The following PIK3C2G variants were observed in gnomAD, a reference collection of about 807,000 sequenced individuals.
PIK3C2G encodes phosphatidylinositol-4-phosphate 3-kinase catalytic subunit type 2 gamma.
In PIK3C2G, 168 loss-of-function variants were observed where a neutral mutation model predicts 181.1. The ratio of observed to expected loss-of-function variants is 0.93; its 90% confidence interval spans 0.82 to 1.05. The LOEUF is 1.05. PIK3C2G is among the 50% of genes least tolerant of loss of function. PIK3C2G has a pLI of 0.00. For missense variants in PIK3C2G, 1,869 were observed against 1,732.8 expected, an observed-to-expected ratio of 1.08 and a Z score of -1.40; for synonymous variants, 573 against 592.2, an observed-to-expected ratio of 0.97 and a Z score of 0.47.
At chr12:18,683,333 G>C in the PIK3C2G span, 46 of 1,611,372 alleles carry the variant, frequency 2.9e-5, no homozygotes, top group Non-Finnish European at 3.9e-5. Flanking sequence ...ACCTGCAAAA[G>C]GAATTATATC....
chr12:18,578,106 A>G (rs374648790), intron 29 of PIK3C2G, among the ~76,000 whole-genome samples: 1 of 152,306 alleles, frequency 6.6e-6, no homozygotes, highest in African/African-American at 2.4e-5. Context: ...AGAAGGTGAT[A>G]TATTAGGTAT....
intron 11 of PIK3C2G, among the ~76,000 whole-genome samples, chr12:18,351,126 A>C (rs1940177896): frequency 6.6e-6 from 1 of 152,122 alleles, no homozygotes; most frequent in Non-Finnish European, 1.5e-5. Context: ...CTGAGATGCA[A>C]CTTAGAAAAC....
chr12:18,363,314 GT>G (rs531991021), intron 12 of PIK3C2G, among the ~76,000 whole-genome samples: 6 of 152,016 alleles, frequency 3.9e-5, no homozygotes, highest in African/African-American at 1.4e-4. Context: ...AAACAATCAA[GT>G]TTTTTTGACA....
chr12:18,278,895 A>G (rs908629876), intron 1 of PIK3C2G, among the ~76,000 whole-genome samples: 2 of 152,118 alleles, frequency 1.3e-5, no homozygotes, highest in South Asian at 4.1e-4. Flanking sequence ...TGGATCTGGA[A>G]GAGGTTGTGT....
At chr12:18,625,706 G>A (rs1949067134) in intron 31 of PIK3C2G, among the ~76,000 whole-genome samples, 2 of 151,762 alleles carry the variant, frequency 1.3e-5, no homozygotes, top group African/African-American at 2.4e-5. Context: ...CTCTTCCACT[G>A]TTAGAAGCAT....
intron 29 of PIK3C2G, among the ~76,000 whole-genome samples, chr12:18,579,206 C>T (rs1473676469): frequency 2.6e-5 from 4 of 151,980 alleles, no homozygotes. Flanking sequence ...ATTTTACTCT[C>T]ATTGAGTTTA....
At chr12:18,682,119 G>A in the PIK3C2G span, among the ~76,000 whole-genome samples, 2 of 152,006 alleles carry the variant, frequency 1.3e-5, no homozygotes, top group Non-Finnish European at 1.5e-5. Context: ...CAGCCCTTGA[G>A]GTGGAAACTG....
intron 15 of PIK3C2G, among the ~76,000 whole-genome samples, chr12:18,398,237 CA>C (rs1944010408): frequency 6.6e-6 from 1 of 151,526 alleles, no homozygotes; most frequent in Non-Finnish European, 1.5e-5. Context: ...TTTGCTTTAA[CA>C]AAAAGAGCTA....
chr12:18,563,281 G>C, intron 27 of PIK3C2G, 96 bp from the exon 28 acceptor site: 1 of 1,096,774 alleles, frequency 9.1e-7, no homozygotes, highest in Non-Finnish European at 1.3e-6. Context: ...TTGCAGAAAG[G>C]TACTTCCTTT....
chr12:18,279,998 T>G (rs1591813749), intron 1 of PIK3C2G, among the ~76,000 whole-genome samples: 1 of 152,012 alleles, frequency 6.6e-6, no homozygotes, highest in Non-Finnish European at 1.5e-5. Context: ...TCAAATTGCA[T>G]TGCAACAAAA....
At chr12:18,461,118 GA>G (rs753987236) in intron 18 of PIK3C2G, among the ~76,000 whole-genome samples, 16 of 151,970 alleles carry the variant, frequency 1.1e-4, no homozygotes, top group Admixed American at 2.6e-4. Flanking sequence ...TATATATAGT[GA>G]AAAAGGTGCA....
intron 24 of PIK3C2G, among the ~76,000 whole-genome samples, chr12:18,509,714 A>G (rs1769582047): frequency 1.3e-5 from 2 of 152,184 alleles, no homozygotes; most frequent in African/African-American, 4.8e-5. Flanking sequence ...TCAAACTTCT[A>G]AGAGAGAAAA....
chr12:18,243,194 C>CTGTGTGTGTG (rs71440357), upstream of PIK3C2G, among the ~76,000 whole-genome samples: 108 of 148,324 alleles, frequency 7.3e-4, no homozygotes, highest in African/African-American at 2.6e-3. Context: ...TAAAGTCTTT[C>CTGTGTGTGTG]TGTGTGTGTG....
intron 5 of PIK3C2G, among the ~76,000 whole-genome samples, chr12:18,295,157 T>C (rs528070007): frequency 4.5e-4 from 68 of 151,076 alleles, no homozygotes; most frequent in Middle Eastern, 3.4e-3. Flanking sequence ...TAAATATTTA[T>C]ATGAAATTAC....
intron 16 of PIK3C2G, among the ~76,000 whole-genome samples, chr12:18,411,762 A>G (rs988574473): frequency 6.6e-6 from 1 of 152,166 alleles, no homozygotes; most frequent in Non-Finnish European, 1.5e-5. Flanking sequence ...TGACATTTCC[A>G]TTACACTTAA....
chr12:18,609,833 A>T (rs1948245284), intron 31 of PIK3C2G, among the ~76,000 whole-genome samples: 2 of 152,096 alleles, frequency 1.3e-5, no homozygotes, highest in South Asian at 4.1e-4. Context: ...TCACAAGGAA[A>T]GTCCTAGAAT....
intron 16 of PIK3C2G, among the ~76,000 whole-genome samples, chr12:18,405,577 A>C (rs1944483503): frequency 6.6e-6 from 1 of 151,984 alleles, no homozygotes; most frequent in African/African-American, 2.4e-5. Flanking sequence ...AAACTGAAAA[A>C]AAAGTGACCA....
intron 25 of PIK3C2G, among the ~76,000 whole-genome samples, chr12:18,545,091 T>G (rs1157253640): frequency 6.6e-6 from 1 of 151,846 alleles, no homozygotes. Flanking sequence ...TACTTTAGGA[T>G]AGAGTACAAA....
chr12:18,686,251 A>T, the PIK3C2G span, among the ~76,000 whole-genome samples: 3 of 152,084 alleles, frequency 2.0e-5, no homozygotes, highest in Non-Finnish European at 4.4e-5. Context: ...CTTCTTCTCA[A>T]ATCTGCAGAA....
Sources: allele counts gnomAD v4.1 joint callset (sites outside exome capture counted in the v4.1 genomes callset), GRCh38; gene constraint gnomAD v4.1.1; transcripts MANE v1.5; gene names NCBI Gene and HGNC (gene_info 2026-07-23, HGNC 2026-07-21).